Variants in BTLA observed in about 807,000 individuals in gnomAD.
The protein encoded by BTLA is B and T lymphocyte associated.
In BTLA, 11 loss-of-function variants were observed where a neutral mutation model predicts 25.0. That is an observed-to-expected ratio of 0.44 (90% CI 0.28 to 0.73). The LOEUF (loss-of-function observed/expected upper bound fraction) is 0.73. Among genes scored for constraint, BTLA ranks in the 30% least tolerant of loss-of-function variants. The pLI, the probability that BTLA is intolerant of heterozygous loss-of-function variation, is 0.15. For synonymous variants in BTLA, 104 were observed against 119.8 expected (o/e 0.87, Z 0.86); for missense variants, 282 against 332.8 (o/e 0.85, Z 1.19).
rs995624699 is a variant in BTLA, at chr3:112,469,743, C to T, written c.594+15G>A. On this transcript the variant is annotated intron_variant, in intron 4 of 4. Transcript: ENST00000334529. ...ACACAAATTGCATTTGTTTCAACAG[C>T]TACATCAAGCTTACCAGGTTAATTT... 6.3e-7 allele frequency: 1 copy of T among 1,591,548 alleles called. No individual in the cohort carries two copies. Among genetic ancestry groups the T allele is most frequent in the Non-Finnish European group, 8.6e-7 (1 of 1,168,490 alleles).
chr3:112,464,365 C>T lies in BTLA; in HGVS notation c.*1743G>A, dbSNP rs913207227. 5.7e-5 allele frequency: 22 copies of T among 382,622 alleles called. No homozygotes were observed. The highest frequency in any genetic ancestry group is 1.4e-5 in the Non-Finnish European group (3 of 215,790). The allele number at this position is 382,622 out of a possible 1,614,324, so 23.7% of individuals were successfully genotyped here. On this transcript the variant is annotated 3_prime_UTR_variant, in exon 5 of 5. Coordinates refer to ENST00000334529, the MANE Select transcript of BTLA (RefSeq NM_181780.4). The stretch of plus-strand genomic sequence containing the variant: ...TTCGTGTGTTCATCTGATAAGAGGA[C>T]AGCTAAATGTATCCTCCCCATATTT...
chr3:112,484,631 G>A (rs2082336591), intron 1 of BTLA, among the ~76,000 whole-genome samples: 1 of 152,184 alleles, frequency 6.6e-6, no homozygotes, highest in Admixed American at 6.5e-5. Context: ...TAGCCATAGG[G>A]CTATCACTTG....
At chr3:112,489,513 T>G (rs1396191514) in intron 1 of BTLA, among the ~76,000 whole-genome samples, 1 of 152,218 alleles carries the variant, frequency 6.6e-6, no homozygotes, top group African/African-American at 2.4e-5. Flanking sequence ...TTATGGAAAC[T>G]TCAAAGTGGT....
At position 112,471,178 on chromosome 3, in the gene BTLA, G is replaced by T. The variant is rs80257086; in HGVS notation, c.547+34C>A. The T allele has an allele frequency of 2.0e-3, 3,217 of 1,602,338 alleles. 63 individuals are homozygous for T. The African/African-American group carries it at 0.039, about 20-fold the overall frequency. On this transcript the variant is annotated intron_variant, in intron 3 of 4. Coordinates refer to ENST00000334529, the MANE Select transcript of BTLA (RefSeq NM_181780.4). ...CAGAAATAAGAATGGCCCCAAATGT[G>T]TGGTACTGGGGGCAGAGGGAAAATA... is the stretch of plus-strand genomic sequence containing the variant.
intron 2 of BTLA, among the ~76,000 whole-genome samples, chr3:112,475,819 CTTAT>C (rs2082286078): frequency 6.6e-6 from 1 of 151,852 alleles, no homozygotes; most frequent in Non-Finnish European, 1.5e-5. Context: ...GTTAATAGCA[CTTAT>C]TTATTCAATA....
rs1390280395 is a variant in BTLA at position 112,464,912 on chromosome 3, A to G, written c.*1196T>C. 6.6e-6 allele frequency: 1 copy of G among 152,108 alleles called. No homozygotes were observed. The highest frequency in any genetic ancestry group is 1.5e-5 in the Non-Finnish European group (1 of 68,026). The allele number at this position is 152,108 out of a possible 1,614,324, so 9.4% of individuals were successfully genotyped here. ...TTGCTATCCACTTTGTATGAAGACT[A>G]TTACATTATTCAGTAGCAGCACCTG... On this transcript the variant is annotated 3_prime_UTR_variant, in exon 5 of 5. Coordinates refer to ENST00000334529, the MANE Select transcript of BTLA (RefSeq NM_181780.4).
chr3:112,476,112 C>A (rs908219997), intron 2 of BTLA, among the ~76,000 whole-genome samples: 3 of 152,098 alleles, frequency 2.0e-5, no homozygotes, highest in Non-Finnish European at 2.9e-5. Context: ...GGTACCCTGC[C>A]ATCCATCATA....
chr3:112,478,061 A>C (rs2107319326), intron 2 of BTLA, among the ~76,000 whole-genome samples: 1 of 149,394 alleles, frequency 6.7e-6, no homozygotes, highest in African/African-American at 2.5e-5. Context: ...GGGAAGTCTT[A>C]GCTTCAGTTT....
chr3:112,472,336 T>G (rs567955569), intron 2 of BTLA, among the ~76,000 whole-genome samples: 1 of 152,194 alleles, frequency 6.6e-6, no homozygotes, highest in Admixed American at 6.5e-5. Flanking sequence ...AAGATCTGGT[T>G]GTTGTTGTTG....
chr3:112,466,311 T>G lies in BTLA; in HGVS notation c.667A>C (p.Thr223Pro). Residue 223 changes from threonine (T) to proline (P), a missense_variant, in exon 5 of 5, where the codon ACT becomes CCT. By Grantham distance (38) the Thr-to-Pro change is conservative (BLOSUM62 -1). Coordinates refer to ENST00000334529, the MANE Select transcript of BTLA (RefSeq NM_181780.4). Reference protein sequence around the residue: ...RQNSQVLLSETGIYDNDPDLC... With the variant: ...RQNSQVLLSEPGIYDNDPDLC... Reference sequence around the variant, plus strand: ...TCAGGGTCATTATCATAAATTCCAGTTTCTGATAGCAGTACTTGGGAATTT... The same window carrying G: ...TCAGGGTCATTATCATAAATTCCAGGTTCTGATAGCAGTACTTGGGAATTT... 6.2e-7 allele frequency: 1 copy of G among 1,613,958 alleles called. No individual in the cohort carries two copies. The highest frequency in any genetic ancestry group is 1.1e-5 in the South Asian group (1 of 91,012).
Position 112,499,376 on chromosome 3 carries a change from G to A in BTLA, c.-18C>T. ...GTCTTCATTTCCTGCACATATCAGT[G>A]ATGGAAAAACTGCTCAAGTAGAAGG... On this transcript the variant is annotated 5_prime_UTR_variant, in exon 1 of 5. Transcript: ENST00000334529. 1 of 1,610,698 alleles carries A rather than the reference G, an allele frequency of 6.2e-7. No homozygotes were observed. Among genetic ancestry groups the A allele is most frequent in the South Asian group, 1.1e-5 (1 of 90,760 alleles).
At chr3:112,486,243 C>T (rs1306519945) in intron 1 of BTLA, among the ~76,000 whole-genome samples, 1 of 152,164 alleles carries the variant, frequency 6.6e-6, no homozygotes, top group Non-Finnish European at 1.5e-5. Context: ...TTTATCAAAA[C>T]CACTAGTGGT....
At chr3:112,479,224 A>G (rs1225947759) in intron 2 of BTLA, among the ~76,000 whole-genome samples, 1 of 152,126 alleles carries the variant, frequency 6.6e-6, no homozygotes, top group African/African-American at 2.4e-5. Context: ...TAAAGTCAAA[A>G]ACAATAACTT....
intron 1 of BTLA, among the ~76,000 whole-genome samples, chr3:112,495,887 T>C (rs1317463738): frequency 6.6e-6 from 1 of 152,096 alleles, no homozygotes; most frequent in African/African-American, 2.4e-5. Context: ...TGGACCATCA[T>C]AATAAAGGGA....
At position 112,466,118 on chromosome 3, in the gene BTLA, A is replaced by G. The variant is rs750970562; in HGVS notation, c.860T>C (p.Val287Ala). The change falls in exon 5 of 5, where the codon GTG becomes GCG. Residue 287 changes from valine (V) to alanine (A), a missense_variant. Physicochemically the swap from Val to Ala is moderately conservative, Grantham distance 64 (BLOSUM62 0). Around this residue, in one of 2 missense-constraint regions of BTLA, gnomAD observed 119 missense variants for 102.3 expected, o/e 1.16. Transcript: ENST00000334529. The stretch of plus-strand genomic sequence containing the variant: ...GAGTCAGAAACAGACTTAACTCCTC[A>G]CACATATGGATGCATATTCTGTTGG... ...EAPTEYASIC[V>A]RS The G allele has an allele frequency of 6.3e-7, 1 of 1,592,206 alleles. No individual in the cohort carries two copies. Among genetic ancestry groups the G allele is most frequent in the Non-Finnish European group, 8.6e-7 (1 of 1,163,348 alleles).
chr3:112,495,186 A>G (rs561712642), intron 1 of BTLA, among the ~76,000 whole-genome samples: 1 of 152,250 alleles, frequency 6.6e-6, no homozygotes, highest in Non-Finnish European at 1.5e-5. Flanking sequence ...CAGAGATTTT[A>G]TAGTCACAAA....
intron 2 of BTLA, 68 bp downstream of exon 2, chr3:112,479,387 A>G: frequency 1.4e-6 from 2 of 1,450,480 alleles, no homozygotes; most frequent in Non-Finnish European, 9.4e-7. Context: ...CACTTGAGAA[A>G]CTGAACCCCC....
chr3:112,499,092 A>G (rs941787693), intron 1 of BTLA, among the ~76,000 whole-genome samples, 179 bp downstream of exon 1: 1 of 152,080 alleles, frequency 6.6e-6, no homozygotes, highest in African/African-American at 2.4e-5. Context: ...GGTGAATACT[A>G]TGTTCTAATT....
chr3:112,486,162 C>A (rs2082346576), intron 1 of BTLA, among the ~76,000 whole-genome samples: 3 of 152,114 alleles, frequency 2.0e-5, no homozygotes, highest in South Asian at 2.1e-4. Context: ...TACTCCCCCC[C>A]AGGCTCTTAT....
Sources: allele counts gnomAD v4.1 joint callset (sites outside exome capture counted in the v4.1 genomes callset), GRCh38; gene constraint gnomAD v4.1.1; regional missense constraint gnomAD v4.1.1; transcripts MANE v1.5; gene names NCBI Gene and HGNC (gene_info 2026-07-23, HGNC 2026-07-21).